The following AP3B1 variants were observed in gnomAD, a reference collection of about 807,000 sequenced individuals.
The protein encoded by AP3B1 is AP-3 complex subunit beta-1.
A neutral mutation model predicts 132.5 loss-of-function variants in AP3B1; 61 were observed. That is an observed-to-expected ratio of 0.46 (90% CI 0.37 to 0.57). The LOEUF is 0.57. AP3B1 is among the 20% of genes least tolerant of loss of function. The pLI is 0.00. For synonymous variants in AP3B1, 388 were observed against 438.3 expected, an observed-to-expected ratio of 0.89 and a Z score of 1.43; for missense variants, 1,120 against 1,289.4, an observed-to-expected ratio of 0.87 and a Z score of 2.01.
intron 8 of AP3B1, among the ~76,000 whole-genome samples, chr5:78,180,871 A>G (rs1388636169): frequency 1.3e-5 from 2 of 151,970 alleles, no homozygotes; most frequent in Non-Finnish European, 2.9e-5. Context: ...TGTAATTTCT[A>G]ATTTTGTATT....
downstream of AP3B1, chr5:78,001,236 G>C (rs567692015): frequency 6.6e-6 from 1 of 152,224 alleles, no homozygotes; most frequent in Admixed American, 6.5e-5. Context: ...TCAGAAAACA[G>C]GTATTAAACC....
intron 22 of AP3B1, among the ~76,000 whole-genome samples, chr5:78,073,125 T>A (rs74627755): frequency 1.3e-5 from 2 of 152,238 alleles, no homozygotes; most frequent in South Asian, 4.1e-4. Flanking sequence ...GGTAATCAAT[T>A]CTTAGTGTTC....
chr5:78,039,557 C>T (rs1747963507), intron 22 of AP3B1, among the ~76,000 whole-genome samples: 1 of 152,104 alleles, frequency 6.6e-6, no homozygotes, highest in East Asian at 1.9e-4. Context: ...GGGGAGATCA[C>T]GAGGTCAGGA....
At chr5:78,191,777 A>G (rs1744844421) in intron 7 of AP3B1, among the ~76,000 whole-genome samples, 1 of 152,216 alleles carries the variant, frequency 6.6e-6, no homozygotes, top group Non-Finnish European at 1.5e-5. Flanking sequence ...AGTGAAGGGT[A>G]TCAAGAAGGG....
intron 7 of AP3B1, among the ~76,000 whole-genome samples, chr5:78,199,899 A>G (rs1027526909): frequency 6.6e-6 from 1 of 152,194 alleles, no homozygotes; most frequent in Non-Finnish European, 1.5e-5. Context: ...AGTTTCAAAA[A>G]GGGACTATTT....
chr5:78,028,537 C>T (rs552446509), intron 24 of AP3B1, among the ~76,000 whole-genome samples: 1 of 152,122 alleles, frequency 6.6e-6, no homozygotes, highest in South Asian at 2.1e-4. Flanking sequence ...TTGGCTGGAA[C>T]TTCCATTATA....
intron 17 of AP3B1, 81 bp downstream of exon 17, chr5:78,127,949 A>G: frequency 5.9e-6 from 9 of 1,538,334 alleles, no homozygotes; most frequent in Admixed American, 1.7e-5. Context: ...CAACTCTCCA[A>G]AAAAGCTTTT....
At chr5:78,203,144 C>T (rs1229254371) in intron 7 of AP3B1, among the ~76,000 whole-genome samples, 1 of 152,146 alleles carries the variant, frequency 6.6e-6, no homozygotes, top group African/African-American at 2.4e-5. Flanking sequence ...TCTCTTGCTG[C>T]TCTCAAGATT....
chr5:78,214,508 T>G (rs1293430811), intron 7 of AP3B1, among the ~76,000 whole-genome samples: 1 of 152,204 alleles, frequency 6.6e-6, no homozygotes. Context: ...AAGGATCATT[T>G]GCATATAGTT....
chr5:78,206,195 T>G (rs1745498651), intron 7 of AP3B1, among the ~76,000 whole-genome samples: 1 of 152,130 alleles, frequency 6.6e-6, no homozygotes, highest in Non-Finnish European at 1.5e-5. Flanking sequence ...AATTAAGAGC[T>G]TCCAACCTAC....
intron 3 of AP3B1, among the ~76,000 whole-genome samples, chr5:78,234,610 C>T (rs1354867433): frequency 1.3e-5 from 2 of 152,152 alleles, no homozygotes; most frequent in East Asian, 3.9e-4. Context: ...ATCAAATCAA[C>T]ACATAATATG....
At chr5:78,264,418 C>G (rs1482256649) in intron 2 of AP3B1, among the ~76,000 whole-genome samples, 1 of 152,052 alleles carries the variant, frequency 6.6e-6, no homozygotes, top group African/African-American at 2.4e-5. Context: ...AATCAACAGT[C>G]AAGAATAAAT....
At chr5:78,068,068 T>C (rs1322496157) in intron 22 of AP3B1, among the ~76,000 whole-genome samples, 1 of 152,110 alleles carries the variant, frequency 6.6e-6, no homozygotes, top group Non-Finnish European at 1.5e-5. Flanking sequence ...CTCACACCTG[T>C]AATCCCAGCA....
Position 78,015,548 on chromosome 5 carries a change from C to G in AP3B1, c.2993G>C (p.Gly998Ala). Residue 998 changes from glycine to alanine, a missense_variant and splice_region_variant, in exon 26 of 27, where the codon GGA becomes GCA. By Grantham distance (60) the Gly-to-Ala change is moderately conservative. This residue lies in a region of AP3B1 where 906 missense variants were observed against 997.1 expected (regional missense o/e 0.91). Transcript: ENST00000255194. Reference sequence around the variant, plus strand: ...AGTTTCATTCATTCCTGTTAGCACTCCTGTAAAAGCAAAAGAAGGCTCCCT... The same window carrying G: ...AGTTTCATTCATTCCTGTTAGCACTGCTGTAAAAGCAAAAGAAGGCTCCCT... The part of the protein sequence containing the change: ...MSEKDFKKEQ[G>A]VLTGMNETSA... The G allele has an allele frequency of 6.2e-7, 1 of 1,613,336 alleles. No individual in the cohort carries two copies. Among genetic ancestry groups the G allele is most frequent in the Non-Finnish European group, 8.5e-7 (1 of 1,179,644 alleles).
intron 15 of AP3B1, among the ~76,000 whole-genome samples, chr5:78,130,734 G>T (rs1366695653): frequency 6.6e-6 from 1 of 151,886 alleles, no homozygotes; most frequent in Non-Finnish European, 1.5e-5. Flanking sequence ...GAAAAACCTG[G>T]GAAATCCACT....
At chr5:78,028,473 G>A (rs910179192) in intron 24 of AP3B1, among the ~76,000 whole-genome samples, 1 of 151,720 alleles carries the variant, frequency 6.6e-6, no homozygotes, top group African/African-American at 2.4e-5. Context: ...TTATAATTTT[G>A]TCTCTTCTTT....
intron 3 of AP3B1, among the ~76,000 whole-genome samples, chr5:78,233,258 C>T (rs1352815196): frequency 7.1e-6 from 1 of 139,888 alleles, no homozygotes; most frequent in African/African-American, 2.7e-5. Context: ...TTTGAGACGG[C>T]GTTTTGCTCT....
chr5:78,092,582 G>A (rs77293403), intron 21 of AP3B1, among the ~76,000 whole-genome samples: 6,116 of 152,272 alleles, frequency 0.04, 174 homozygotes, highest in Non-Finnish European at 0.064. Flanking sequence ...TCTAGCATTG[G>A]TGAAGGTACA....
chr5:78,292,959 G>C (rs1440718881), intron 1 of AP3B1, among the ~76,000 whole-genome samples: 1 of 151,830 alleles, frequency 6.6e-6, no homozygotes, highest in Admixed American at 6.6e-5. Flanking sequence ...GCTCACTGCA[G>C]CTTCCGCCTC....
Sources: gnomAD v4.1 joint callset for allele counts (sites outside exome capture counted in the v4.1 genomes callset) on GRCh38, gnomAD v4.1.1 for gene constraint, gnomAD v4.1.1 regional missense constraint, MANE v1.5 for transcripts, NCBI Gene and HGNC (gene_info 2026-07-23, HGNC 2026-07-21) for gene names.